Variants in TCF3 observed in about 807,000 individuals in gnomAD.
TCF3 encodes transcription factor E2-alpha.
Under a neutral mutation model 72.3 loss-of-function variants are expected in TCF3, and 54 were observed. The ratio of observed to expected loss-of-function variants is 0.75; its 90% CI spans 0.60 to 0.94. TCF3 has a LOEUF of 0.94. Among genes scored for constraint, TCF3 ranks in the 40% least tolerant of loss-of-function variants. The pLI is 0.00. For synonymous variants in TCF3, 525 were observed against 412.6 expected, an observed-to-expected ratio of 1.27 and a Z score of -3.30; for missense variants, 1,078 against 934.4, an observed-to-expected ratio of 1.15 and a Z score of -2.00.
intron 8 of TCF3, among the ~76,000 whole-genome samples, chr19:1,623,440 G>C (rs1053247136): frequency 1.2e-4 from 18 of 149,420 alleles, no homozygotes; most frequent in African/African-American, 4.2e-4. Context: ...CTGGAGGGCA[G>C]CGGCATGATC....
chr19:1,617,705 G>A (rs1568344006), intron 16 of TCF3, among the ~76,000 whole-genome samples: 1 of 152,232 alleles, frequency 6.6e-6, no homozygotes, highest in South Asian at 2.1e-4. Context: ...AGGACAGGAA[G>A]GAAACAGAGG....
intron 7 of TCF3, among the ~76,000 whole-genome samples, chr19:1,624,747 G>A (rs1292982005): frequency 6.6e-6 from 1 of 152,252 alleles, no homozygotes; most frequent in Non-Finnish European, 1.5e-5. Context: ...CATGTGCCCA[G>A]CCAAGGCGGA....
At chr19:1,618,184 C>T (rs536768281) in intron 16 of TCF3, among the ~76,000 whole-genome samples, 4 of 152,096 alleles carry the variant, frequency 2.6e-5, no homozygotes, top group African/African-American at 2.4e-5. Flanking sequence ...ACCCACAGCT[C>T]GGGCCAGAAA....
At chr19:1,625,837 T>C (rs1203550216) in intron 6 of TCF3, 129 bp from the exon 7 acceptor site, 4 of 1,185,502 alleles carry the variant, frequency 3.4e-6, no homozygotes, top group Non-Finnish European at 3.3e-6. Flanking sequence ...CCCTTCTGCC[T>C]GTCACGGTGT....
In TCF3 at chr19:1,652,315, G is replaced by C. The variant is rs1217114400; in HGVS notation, c.-55C>G. 1 of 143,104 alleles carries C rather than the reference G, an allele frequency of 7.0e-6. No individual in the cohort carries two copies. Among genetic ancestry groups the C allele is most frequent in the Non-Finnish European group, 1.5e-5 (1 of 64,700 alleles). 8.9% of individuals were successfully genotyped at this position (143,104 alleles called of 1,614,324 possible). A position where few individuals can be genotyped will look rare whatever the true frequency, so the allele number is the denominator to read the frequency against. ...CCGGGCTCACCTGCTGGGCGCGGCC[G>C]GGCACGCGGCGCGTGGGGGGGGGCG... On this transcript the variant is annotated 5_prime_UTR_variant, in exon 1 of 19. Coordinates refer to ENST00000262965, the MANE Select transcript of TCF3 (RefSeq NM_003200.5).
chr19:1,646,959 G>A (rs991059065), intron 2 of TCF3, among the ~76,000 whole-genome samples: 3 of 152,218 alleles, frequency 2.0e-5, no homozygotes, highest in African/African-American at 4.8e-5. Flanking sequence ...TGGAGCGGGG[G>A]GTAGGGCCCA....
Position 1,609,468 on chromosome 19 carries a change from C to G in TCF3, c.*2239G>C. On this transcript the variant is annotated 3_prime_UTR_variant, in exon 19 of 19. Transcript: ENST00000262965. ...GAAAACCATCTTGAGGCACTCAGAT[C>G]ACACCCCCCACCCCCCATAATTGTG... is the stretch of plus-strand genomic sequence containing the variant. 4.6e-6 allele frequency: 1 copy of G among 216,316 alleles called. No homozygotes were observed. The allele number at this position is 216,316 out of a possible 1,614,324, so 13.4% of individuals were successfully genotyped here.
At chr19:1,625,226 C>T (rs886145490) in intron 7 of TCF3, among the ~76,000 whole-genome samples, 7 of 152,190 alleles carry the variant, frequency 4.6e-5, no homozygotes, top group East Asian at 1.9e-4. Flanking sequence ...ACGTGCCTCG[C>T]GGGGGATGCC....
At position 1,627,750 on chromosome 19, in the gene TCF3, C is replaced by T. The variant is rs532960801; in HGVS notation, c.299-324G>A. Among the ~76,000 whole-genome samples, 60 of 151,498 alleles carry T rather than the reference C, an allele frequency of 4.0e-4. No homozygotes were observed. In the South Asian group the frequency reaches 9.8e-3, roughly 25 times the overall value. ...CAGAAGCCCTGCCCAGGGGGTGGGG[C>T]GGAAAGGGGACAGCAGAGCTCACGG... On this transcript the variant is annotated intron_variant, in intron 5 of 18. Coordinates refer to ENST00000262965, the MANE Select transcript of TCF3 (RefSeq NM_003200.5).
rs1010009191 is a variant in TCF3, at chr19:1,614,416, G to A, written c.1822+869C>T. 6.6e-6 allele frequency among the ~76,000 whole-genome samples: 1 copy of A among 152,226 alleles called. No homozygotes were observed. Among genetic ancestry groups the A allele is most frequent in the Non-Finnish European group, 1.5e-5 (1 of 68,036 alleles). On this transcript the variant is annotated intron_variant, in intron 18 of 18. Coordinates refer to ENST00000262965, the MANE Select transcript of TCF3 (RefSeq NM_003200.5). This position sits in a 1 kb window ranked among gnomAD's most constrained non-coding sequence, Gnocchi z 5.6. ...CGCTCCCGGTGCTCGGGCAGCAAGT[G>A]CGAGGTGAGGAGGGGCTGCCACGGG...
chr19:1,612,032 TAAAGA>T (rs2061048762), intron 18 of TCF3, among the ~76,000 whole-genome samples, 183 bp from the exon 19 acceptor site: 1 of 150,726 alleles, frequency 6.6e-6, no homozygotes, highest in Admixed American at 6.6e-5. Flanking sequence ...TGGAGGCTTG[TAAAGA>T]AGAGAGTGGG....
At chr19:1,623,846 A>AC (rs2062555367) in intron 8 of TCF3, 105 bp downstream of exon 8, 11 of 1,199,164 alleles carry the variant, frequency 9.2e-6, no homozygotes, top group African/African-American at 1.5e-5. Context: ...GGGCCTGTCC[A>AC]CTCAGGGCCC....
At chr19:1,616,849 T>C (rs967982889) in intron 16 of TCF3, among the ~76,000 whole-genome samples, 1 of 152,062 alleles carries the variant, frequency 6.6e-6, no homozygotes, top group African/African-American at 2.4e-5. Flanking sequence ...TCAGCAAAGA[T>C]ACCAGGAAAA....
At chr19:1,621,698 A>G (rs1178332551) in intron 11 of TCF3, 140 bp downstream of exon 11, 1 of 1,155,992 alleles carries the variant, frequency 8.7e-7, no homozygotes, top group Non-Finnish European at 1.2e-6. Flanking sequence ...GACAGCGGAC[A>G]ATGAGAACTG....
chr19:1,623,147 G>A (rs972645084), intron 8 of TCF3, among the ~76,000 whole-genome samples: 17 of 152,110 alleles, frequency 1.1e-4, no homozygotes, highest in East Asian at 3.9e-4. Context: ...TCGGCTGGAG[G>A]GGTGAGGAGA....
chr19:1,622,550 C>G (rs2062374171), intron 8 of TCF3, 135 bp from the exon 9 acceptor site: 7 of 535,790 alleles, frequency 1.3e-5, no homozygotes, highest in Non-Finnish European at 2.3e-5. Context: ...AGCCACCCCC[C>G]TTTAGGTAAA....
chr19:1,648,516 C>A (rs1324091694), intron 2 of TCF3, among the ~76,000 whole-genome samples: 5 of 152,176 alleles, frequency 3.3e-5, no homozygotes, highest in African/African-American at 1.2e-4. Flanking sequence ...CTGGTCTGTT[C>A]CAGCCCAGCG....
chr19:1,622,232 G>T lies in TCF3; in HGVS notation c.653-9C>A. ...GGGGTGCAGGCTGCCATCTGTGGAG[G>T]GGAGCTGGTAAGGTGGGGGCCGAGT... On this transcript the variant is annotated splice_polypyrimidine_tract_variant and intron_variant, in intron 9 of 18. Transcript: ENST00000262965. 1 of 1,538,404 alleles carries T rather than the reference G, an allele frequency of 6.5e-7. No individual in the cohort carries two copies.
intron 16 of TCF3, among the ~76,000 whole-genome samples, chr19:1,618,726 A>C (rs925246027): frequency 6.6e-6 from 1 of 152,010 alleles, no homozygotes; most frequent in Admixed American, 6.6e-5. Context: ...AAGCCATACA[A>C]AACCCCCAAC....
Sources: allele counts gnomAD v4.1 joint callset (sites outside exome capture counted in the v4.1 genomes callset), GRCh38; gene constraint gnomAD v4.1.1; non-coding constraint Gnocchi (gnomAD v3.1); transcripts MANE v1.5; gene names NCBI Gene and HGNC (gene_info 2026-07-23, HGNC 2026-07-21).